B3GALT1: variants seen among roughly 807,000 people sequenced by gnomAD.
The protein encoded by B3GALT1 is beta-1,3-galactosyltransferase 1.
Under a neutral mutation model 23.2 loss-of-function variants are expected in B3GALT1, and 10 were observed. That is an observed-to-expected ratio of 0.43 (90% CI 0.27 to 0.73). The LOEUF is 0.73. Ranked by LOEUF, B3GALT1 falls within the 30% of genes least tolerant of loss-of-function variation. The pLI is 0.21. For synonymous variants in B3GALT1, 156 were observed against 141.5 expected (o/e 1.10, Z -0.73); for missense variants, 299 against 405.4 (o/e 0.74, Z 2.25).
intron 1 of B3GALT1, among the ~76,000 whole-genome samples, chr2:167,486,436 T>A (rs1699628107): frequency 6.6e-6 from 1 of 151,682 alleles, no homozygotes; most frequent in Non-Finnish European, 1.5e-5. Context: ...TAAAGTACCG[T>A]ATTTAGGCCG....
At chr2:167,795,850 G>A (rs36079569) in intron 3 of B3GALT1, among the ~76,000 whole-genome samples, 4 of 152,168 alleles carry the variant, frequency 2.6e-5, no homozygotes, top group South Asian at 2.1e-4. Flanking sequence ...TATTTATAGC[G>A]CCAGATAAAA....
chr2:167,416,062 A>G (rs1362125284), intron 1 of B3GALT1, among the ~76,000 whole-genome samples: 4 of 152,350 alleles, frequency 2.6e-5, no homozygotes, highest in South Asian at 4.1e-4. Flanking sequence ...AAGCTTGTTC[A>G]AGAGAGGAAA....
intron 2 of B3GALT1, among the ~76,000 whole-genome samples, chr2:167,588,922 TCTCC>T (rs1207202090): frequency 7.0e-6 from 1 of 143,840 alleles, no homozygotes; most frequent in Non-Finnish European, 1.5e-5. Flanking sequence ...TCCTTCCCTC[TCTCC>T]CTCCCTCCCT....
At chr2:167,865,180 A>G (rs995228535) in intron 4 of B3GALT1, among the ~76,000 whole-genome samples, 4 of 151,638 alleles carry the variant, frequency 2.6e-5, no homozygotes, top group African/African-American at 9.7e-5. Context: ...AGGCCGAGGC[A>G]GGAAGATCAC....
intron 2 of B3GALT1, among the ~76,000 whole-genome samples, chr2:167,624,534 T>C (rs1380405939): frequency 6.6e-6 from 1 of 152,070 alleles, no homozygotes; most frequent in Non-Finnish European, 1.5e-5. Context: ...GACATGAGCG[T>C]TTTATTTGTG....
intron 1 of B3GALT1, among the ~76,000 whole-genome samples, chr2:167,346,313 T>C (rs1290038479): frequency 6.6e-6 from 1 of 152,080 alleles, no homozygotes; most frequent in Non-Finnish European, 1.5e-5. Flanking sequence ...CTAAGATAAA[T>C]GTTTTAATTT....
In B3GALT1 at chr2:167,400,190, G is replaced by GTGTGTGTGTGTC. The variant is rs1303294088; in HGVS notation, c.-510-89984_-510-89983insGTGTGTGTCTGT. 5.3e-5 allele frequency among the ~76,000 whole-genome samples: 8 copies of GTGTGTGTGTGTC among 151,100 alleles called. No individual in the cohort carries two copies. The East Asian group carries it at 1.2e-3, about 22-fold the overall frequency. On this transcript the variant is annotated intron_variant, in intron 1 of 4. Coordinates refer to ENST00000392690, the MANE Select transcript of B3GALT1 (RefSeq NM_020981.4). ...TCTGTGTGTGTGTGTGTGTGTGTGTGTGTCTGTGTGTGTGTATGTGTGTTA... is the reference window on the plus strand; with the variant it reads ...TCTGTGTGTGTGTGTGTGTGTGTGTGTGTGTGTGTGTCTGTCTGTGTGTGTGTATGTGTGTTA...
At chr2:167,827,672 G>A (rs989367889) in intron 4 of B3GALT1, among the ~76,000 whole-genome samples, 3 of 152,242 alleles carry the variant, frequency 2.0e-5, no homozygotes, top group East Asian at 1.9e-4. Flanking sequence ...ATATGGCCTC[G>A]GATGCTCTAT....
chr2:167,475,311 C>T (rs928545053), intron 1 of B3GALT1, among the ~76,000 whole-genome samples: 10 of 152,068 alleles, frequency 6.6e-5, no homozygotes, highest in Non-Finnish European at 1.2e-4. Context: ...ATTATCAGTT[C>T]CACTCTCAAG....
chr2:167,714,337 T>C lies in B3GALT1; in HGVS notation c.-352+67371T>C. The C allele has an allele frequency of 2.7e-6, 4 of 1,495,988 alleles. No individual in the cohort carries two copies. The Admixed American group carries it at 6.7e-5, about 25-fold the overall frequency. 92.7% of individuals were successfully genotyped at this position (1,495,988 alleles called of 1,614,324 possible). ...GAGCATCAGTTGACCTATCACAGCT[T>C]GGTTCTCCTCTTTTATTGGTAATCT... On this transcript the variant is annotated intron_variant, in intron 3 of 4. Coordinates refer to ENST00000392690, the MANE Select transcript of B3GALT1 (RefSeq NM_020981.4).
At chr2:167,778,298 C>A (rs1688195274) in intron 3 of B3GALT1, among the ~76,000 whole-genome samples, 1 of 151,936 alleles carries the variant, frequency 6.6e-6, no homozygotes, top group South Asian at 2.1e-4. Context: ...CTTTTCCTCC[C>A]CCTATTTCTC....
intron 3 of B3GALT1, among the ~76,000 whole-genome samples, chr2:167,666,934 C>A (rs986980704): frequency 1.3e-4 from 20 of 151,992 alleles, no homozygotes; most frequent in Non-Finnish European, 2.2e-4. Context: ...TTAATTGGAG[C>A]ATTTAGTCCA....
intron 1 of B3GALT1, among the ~76,000 whole-genome samples, chr2:167,483,993 C>T (rs1699591610): frequency 6.6e-6 from 1 of 152,200 alleles, no homozygotes; most frequent in Admixed American, 6.5e-5. Flanking sequence ...TAAGAACTGA[C>T]CTCTAGCCAC....
chr2:167,618,342 A>C (rs1390727075), intron 2 of B3GALT1, among the ~76,000 whole-genome samples: 1 of 152,020 alleles, frequency 6.6e-6, no homozygotes, highest in East Asian at 1.9e-4. Flanking sequence ...TCCCATGTAC[A>C]TTTCATCCAT....
At chr2:167,407,565 T>TAA (rs55986241) in intron 1 of B3GALT1, among the ~76,000 whole-genome samples, 1 of 149,726 alleles carries the variant, frequency 6.7e-6, no homozygotes, top group African/African-American at 2.5e-5. Flanking sequence ...ATTGAAAAGG[T>TAA]AAAAAAAAAA....
At chr2:167,505,546 A>T (rs1239518427) in intron 2 of B3GALT1, among the ~76,000 whole-genome samples, 2 of 152,194 alleles carry the variant, frequency 1.3e-5, no homozygotes, top group Admixed American at 6.5e-5. Flanking sequence ...ATTATTTCCT[A>T]CGTGAGGGCA....
rs769489637 is a variant in B3GALT1 at position 167,801,768 on chromosome 2, TA to T, written c.-351-16902del. Among the ~76,000 whole-genome samples the T allele has an allele frequency of 9.2e-5, 14 of 152,320 alleles. No individual in the cohort carries two copies. The East Asian group carries it at 2.5e-3, about 27-fold the overall frequency. On this transcript the variant is annotated intron_variant, in intron 3 of 4. Coordinates refer to ENST00000392690, the MANE Select transcript of B3GALT1 (RefSeq NM_020981.4). ...CAACATGACAACACTTAACCTGGAG[TA>T]ATTCAGCATGACAACATTTGTGGGG...
intron 4 of B3GALT1, among the ~76,000 whole-genome samples, chr2:167,849,335 A>C (rs540317940): frequency 6.6e-6 from 1 of 152,212 alleles, no homozygotes; most frequent in South Asian, 2.1e-4. Context: ...AAACTATACT[A>C]TAAGGCCATA....
chr2:167,619,333 G>A (rs1402037449), intron 2 of B3GALT1, among the ~76,000 whole-genome samples: 2 of 151,802 alleles, frequency 1.3e-5, no homozygotes, highest in Non-Finnish European at 2.9e-5. Flanking sequence ...AGTTATATAT[G>A]TATGTATAAT....
Sources: allele counts gnomAD v4.1 joint callset (sites outside exome capture counted in the v4.1 genomes callset), GRCh38; gene constraint gnomAD v4.1.1; transcripts MANE v1.5; gene names NCBI Gene and HGNC (gene_info 2026-07-23, HGNC 2026-07-21).